Variants in DLGAP2 observed in about 807,000 individuals in gnomAD.
The protein encoded by DLGAP2 is DLG associated protein 2.
DLGAP2 carries 26 observed loss-of-function variants against 100.3 expected under a neutral mutation model. That is an observed-to-expected ratio of 0.26 (90% CI 0.19 to 0.36). The LOEUF (loss-of-function observed/expected upper bound fraction) is 0.36. Among genes scored for constraint, DLGAP2 ranks in the 10% least tolerant of loss-of-function variants. DLGAP2 has a pLI of 1.00. For missense variants in DLGAP2, 1,858 were observed against 1,453.2 expected, an observed-to-expected ratio of 1.28 and a Z score of -4.53; for synonymous variants, 886 against 630.1, an observed-to-expected ratio of 1.41 and a Z score of -6.08.
intron 3 of DLGAP2, among the ~76,000 whole-genome samples, chr8:1,417,542 G>C (rs1796937275): frequency 1.3e-5 from 2 of 152,016 alleles, no homozygotes; most frequent in South Asian, 4.1e-4. Context: ...TGAATGCAAT[G>C]GGGATCCGAA....
intron 1 of DLGAP2, among the ~76,000 whole-genome samples, chr8:859,300 C>T (rs886606831): frequency 6.6e-6 from 1 of 152,116 alleles, no homozygotes; most frequent in Non-Finnish European, 1.5e-5. Context: ...TTAATATAGG[C>T]AGGGTTTCAC....
chr8:1,197,255 C>T (rs1282422473), intron 2 of DLGAP2, among the ~76,000 whole-genome samples: 1 of 152,140 alleles, frequency 6.6e-6, no homozygotes, highest in African/African-American at 2.4e-5. Flanking sequence ...ACAGACACAC[C>T]CGGAAGTCAT....
At chr8:1,240,578 G>T (rs1205927246) in intron 2 of DLGAP2, among the ~76,000 whole-genome samples, 2 of 147,910 alleles carry the variant, frequency 1.4e-5, no homozygotes, top group Non-Finnish European at 3.0e-5. Context: ...ACATGGCGCC[G>T]TGTCTAGTTC....
At chr8:1,212,703 C>T (rs1166984610) in intron 2 of DLGAP2, among the ~76,000 whole-genome samples, 1 of 151,872 alleles carries the variant, frequency 6.6e-6, no homozygotes, top group Non-Finnish European at 1.5e-5. Context: ...GATTAAGAAA[C>T]CTTCTTATAT....
At chr8:1,036,744 G>T (rs955135070) in intron 2 of DLGAP2, among the ~76,000 whole-genome samples, 1 of 152,178 alleles carries the variant, frequency 6.6e-6, no homozygotes, top group Non-Finnish European at 1.5e-5. Flanking sequence ...GTAGCGGAGC[G>T]TGGAGTGAAC....
chr8:934,302 C>T (rs1209059034), intron 2 of DLGAP2, among the ~76,000 whole-genome samples: 7 of 78,368 alleles, frequency 8.9e-5, no homozygotes, highest in Non-Finnish European at 2.5e-5. Flanking sequence ...GCCGTGGGCA[C>T]GAGGGGAGGG....
At chr8:1,321,034 C>T (rs974978351) in intron 3 of DLGAP2, among the ~76,000 whole-genome samples, 7 of 146,234 alleles carry the variant, frequency 4.8e-5, no homozygotes, top group African/African-American at 1.8e-4. Flanking sequence ...TGCCTCTGTG[C>T]CCAGGCATCC....
At chr8:755,051 AC>A (rs1244837794) in intron 1 of DLGAP2, among the ~76,000 whole-genome samples, 5 of 152,176 alleles carry the variant, frequency 3.3e-5, no homozygotes, top group African/African-American at 1.2e-4. Context: ...AGGGTTTATT[AC>A]TGATGAGTCA....
chr8:1,299,381 C>CA (rs1563069149), intron 3 of DLGAP2, among the ~76,000 whole-genome samples: 1 of 152,204 alleles, frequency 6.6e-6, no homozygotes, highest in Admixed American at 6.5e-5. Context: ...AACAGATTCT[C>CA]ATGGCCCTTC....
At chr8:996,077 C>G (rs1800775640) in intron 2 of DLGAP2, among the ~76,000 whole-genome samples, 1 of 152,156 alleles carries the variant, frequency 6.6e-6, no homozygotes, top group African/African-American at 2.4e-5. Flanking sequence ...AACCACAACA[C>G]CGTTTAAAGT....
intron 1 of DLGAP2, among the ~76,000 whole-genome samples, chr8:746,763 C>T (rs1820627120): frequency 6.6e-6 from 1 of 152,228 alleles, no homozygotes; most frequent in African/African-American, 2.4e-5. Context: ...TTTGTGCGTT[C>T]TTACCACAAA....
intron 2 of DLGAP2, among the ~76,000 whole-genome samples, chr8:984,851 A>G (rs1330850501): frequency 6.6e-6 from 1 of 152,216 alleles, no homozygotes; most frequent in Non-Finnish European, 1.5e-5. Flanking sequence ...ACTGGTCATA[A>G]AATGAGGGTG....
chr8:1,506,907 A>G (rs1196544101), intron 4 of DLGAP2, among the ~76,000 whole-genome samples: 1 of 152,220 alleles, frequency 6.6e-6, no homozygotes, highest in Non-Finnish European at 1.5e-5. Context: ...CAGAGTGCTG[A>G]TTGGTGCATT....
chr8:834,206 T>C (rs1250927069), intron 1 of DLGAP2, among the ~76,000 whole-genome samples: 1 of 152,220 alleles, frequency 6.6e-6, no homozygotes, highest in Non-Finnish European at 1.5e-5. Flanking sequence ...GACCATGGGC[T>C]GACGAGTCCC....
chr8:1,053,183 G>A (rs1390868160), intron 2 of DLGAP2, among the ~76,000 whole-genome samples: 1 of 152,166 alleles, frequency 6.6e-6, no homozygotes, highest in East Asian at 1.9e-4. Flanking sequence ...AAATAGAAGC[G>A]CGGATGTGGT....
intron 2 of DLGAP2, among the ~76,000 whole-genome samples, chr8:1,239,392 G>A (rs1166313444): frequency 1.4e-4 from 3 of 20,758 alleles, no homozygotes; most frequent in African/African-American, 3.8e-4. Flanking sequence ...CTCACGTGGT[G>A]CCGTGTCTAG....
chr8:1,659,610 C>G (rs977437970), intron 8 of DLGAP2, among the ~76,000 whole-genome samples: 1 of 152,102 alleles, frequency 6.6e-6, no homozygotes, highest in African/African-American at 2.4e-5. Flanking sequence ...CCTTCTTTGT[C>G]TTTTTTTATC....
chr8:1,410,671 C>T (rs1796703005), intron 3 of DLGAP2, among the ~76,000 whole-genome samples: 1 of 152,180 alleles, frequency 6.6e-6, no homozygotes, highest in African/African-American at 2.4e-5. Flanking sequence ...AAGTGTGTTT[C>T]ACGCACGGCA....
chr8:1,311,997 GCAGAAATT>G, intron 3 of DLGAP2, among the ~76,000 whole-genome samples: 1 of 152,198 alleles, frequency 6.6e-6, no homozygotes, highest in African/African-American at 2.4e-5. Flanking sequence ...GATCCAGCAG[GCAGAAATT>G]CAGAAATTCA....
Sources: gnomAD v4.1 joint callset for allele counts (sites outside exome capture counted in the v4.1 genomes callset) on GRCh38, gnomAD v4.1.1 for gene constraint, MANE v1.5 for transcripts, NCBI Gene and HGNC (gene_info 2026-07-23, HGNC 2026-07-21) for gene names.